Variants in KSR2 observed in about 807,000 individuals in gnomAD.
KSR2 encodes the protein kinase suppressor of ras 2.
A neutral mutation model predicts 107.8 loss-of-function variants in KSR2; 25 were observed. That is an observed-to-expected ratio of 0.23 (90% CI 0.17 to 0.32). The LOEUF (loss-of-function observed/expected upper bound fraction) is 0.32, where lower values mean the gene tolerates loss of function less well. Ranked by LOEUF, KSR2 falls within the 10% of genes least tolerant of loss-of-function variation. The probability of loss-of-function intolerance (pLI) is 1.00; values close to 1 mark genes in which losing one functional copy is unlikely to be tolerated. For missense variants in KSR2, 887 were observed against 1,268.9 expected (o/e 0.70, Z 4.57); for synonymous variants, 480 against 507.0 (o/e 0.95, Z 0.71).
intron 15 of KSR2, among the ~76,000 whole-genome samples, chr12:117,485,354 T>C (rs903052962): frequency 2.0e-5 from 3 of 152,146 alleles, no homozygotes; most frequent in Admixed American, 6.5e-5. Flanking sequence ...CCAAGTACCA[T>C]AGTGATGAGA....
At chr12:117,803,465 G>A (rs1890904459) in intron 3 of KSR2, among the ~76,000 whole-genome samples, 1 of 152,196 alleles carries the variant, frequency 6.6e-6, no homozygotes, top group Non-Finnish European at 1.5e-5. Context: ...CACTTTGGGA[G>A]GCCGAGGCGG....
At chr12:117,474,365 T>G (rs984916533) in intron 17 of KSR2, among the ~76,000 whole-genome samples, 2 of 152,100 alleles carry the variant, frequency 1.3e-5, no homozygotes. Context: ...ACTGACATCC[T>G]CTAAAGGGGC....
chr12:117,609,764 G>C (rs1194195183), intron 5 of KSR2, among the ~76,000 whole-genome samples: 1 of 152,150 alleles, frequency 6.6e-6, no homozygotes, highest in Non-Finnish European at 1.5e-5. Flanking sequence ...GTTGGAGGAT[G>C]GTGCTGGGCA....
intron 3 of KSR2, among the ~76,000 whole-genome samples, chr12:117,836,852 G>T (rs558255025): frequency 1.2e-3 from 182 of 152,356 alleles, no homozygotes; most frequent in Middle Eastern, 3.4e-3. Context: ...CCATGCAGCT[G>T]GGGGTGCCCC....
chr12:117,535,010 A>G (rs1358479358), intron 10 of KSR2, among the ~76,000 whole-genome samples: 1 of 152,182 alleles, frequency 6.6e-6, no homozygotes, highest in Non-Finnish European at 1.5e-5. Flanking sequence ...CCATAAGATA[A>G]TAAACCTGTG....
intron 14 of KSR2, among the ~76,000 whole-genome samples, chr12:117,487,974 C>T (rs141133157): frequency 3.3e-5 from 5 of 152,260 alleles, no homozygotes; most frequent in African/African-American, 9.6e-5. Context: ...GTAATAATCC[C>T]CAAGTGTCAA....
intron 5 of KSR2, among the ~76,000 whole-genome samples, chr12:117,595,253 T>G (rs560478096): frequency 6.6e-6 from 1 of 152,314 alleles, no homozygotes; most frequent in Non-Finnish European, 1.5e-5. Context: ...ATTTATTTAT[T>G]TACTTATTTA....
At chr12:117,875,684 C>G (rs1038865523) in intron 1 of KSR2, among the ~76,000 whole-genome samples, 7 of 152,154 alleles carry the variant, frequency 4.6e-5, no homozygotes, top group Non-Finnish European at 1.0e-4. Context: ...CTTGTCCCAC[C>G]GGCGAGAGCT....
rs1162672909 is a variant in KSR2, at chr12:117,755,689, G to A, written c.986+5322C>T. On this transcript the variant is annotated intron_variant, in intron 4 of 19. Coordinates refer to ENST00000339824, the MANE Select transcript of KSR2 (RefSeq NM_173598.6). ...AAGCGTTCCAGTGAAAGGAAGAATTGTACATCTATCACTTTAAATCATATG... is the reference window on the plus strand; with the variant it reads ...AAGCGTTCCAGTGAAAGGAAGAATTATACATCTATCACTTTAAATCATATG... Among the ~76,000 whole-genome samples, 3 of 152,308 alleles carry A rather than the reference G, an allele frequency of 2.0e-5. No individual in the cohort carries two copies. In the East Asian group the frequency reaches 5.8e-4, roughly 29 times the overall value.
chr12:117,754,966 T>C (rs1372315766), intron 4 of KSR2, among the ~76,000 whole-genome samples: 1 of 152,092 alleles, frequency 6.6e-6, no homozygotes, highest in Non-Finnish European at 1.5e-5. Flanking sequence ...TCAGAGGAAA[T>C]AAAAGCAGAC....
chr12:117,923,220 A>C (rs189003028), intron 1 of KSR2, among the ~76,000 whole-genome samples: 1 of 152,082 alleles, frequency 6.6e-6, no homozygotes, highest in Non-Finnish European at 1.5e-5. Flanking sequence ...TCTATCATCT[A>C]TCTATCTATC....
chr12:117,924,183 T>C (rs1158602522), intron 1 of KSR2, among the ~76,000 whole-genome samples: 1 of 151,738 alleles, frequency 6.6e-6, no homozygotes, highest in African/African-American at 2.4e-5. Context: ...CGGCCTATAT[T>C]TGCTTTTTTA....
At chr12:117,479,415 C>G (rs982825205) in intron 16 of KSR2, among the ~76,000 whole-genome samples, 6 of 152,216 alleles carry the variant, frequency 3.9e-5, no homozygotes, top group Non-Finnish European at 1.5e-5. Flanking sequence ...TTTAGGATTT[C>G]TCAACCTTGG....
At chr12:117,475,721 T>C (rs1871736367) in intron 17 of KSR2, among the ~76,000 whole-genome samples, 1 of 152,232 alleles carries the variant, frequency 6.6e-6, no homozygotes, top group Admixed American at 6.5e-5. Context: ...CCATTATGTA[T>C]AAGATAGAGC....
At chr12:117,849,495 G>A (rs987991316) in intron 3 of KSR2, among the ~76,000 whole-genome samples, 4 of 152,198 alleles carry the variant, frequency 2.6e-5, no homozygotes, top group Admixed American at 1.3e-4. Flanking sequence ...GGGATCCTTT[G>A]ATCTTGCTAA....
chr12:117,661,955 TA>T (rs1884450100), intron 5 of KSR2, among the ~76,000 whole-genome samples: 1 of 152,194 alleles, frequency 6.6e-6, no homozygotes, highest in Non-Finnish European at 1.5e-5. Context: ...CAGGTTTATA[TA>T]TTTCAATGCC....
chr12:117,965,810 T>C (rs751229887), intron 1 of KSR2, among the ~76,000 whole-genome samples: 1 of 152,226 alleles, frequency 6.6e-6, no homozygotes, highest in South Asian at 2.1e-4. Context: ...GCTAAGAATC[T>C]GCATTTTAAC....
At chr12:117,832,874 T>G (rs1409681125) in intron 3 of KSR2, among the ~76,000 whole-genome samples, 1 of 152,208 alleles carries the variant, frequency 6.6e-6, no homozygotes, top group Non-Finnish European at 1.5e-5. Flanking sequence ...TGGGTTTACG[T>G]CCCTTGAAAA....
rs372529927 is a variant in KSR2, at chr12:117,761,392, G to A, written c.605C>T (p.Pro202Leu). The change falls in exon 4 of 20, where the codon CCG (proline) becomes CTG (leucine). Residue 202 changes from proline (P) to leucine (L), a missense_variant. Physicochemically the swap from Pro to Leu is moderately conservative, Grantham distance 98. Around this residue, in one of 8 missense-constraint regions of KSR2, gnomAD observed 399 missense variants for 479.5 expected, o/e 0.83. Coordinates refer to ENST00000339824, the MANE Select transcript of KSR2 (RefSeq NM_173598.6). ...ACAATAGTGCTGGACGCACTTGGAC[G>A]GGACCCTGGGGCTCTGGGAGAGATG... Reference protein sequence around the residue: ...RTHLSQSPRVPSKCVQHYCHT... With the variant: ...RTHLSQSPRVLSKCVQHYCHT... The A allele has an allele frequency of 2.4e-5, 39 of 1,607,460 alleles. No homozygotes were observed. Among genetic ancestry groups the A allele is most frequent in the Non-Finnish European group, 3.1e-5 (37 of 1,178,248 alleles).
Sources: allele counts gnomAD v4.1 joint callset (sites outside exome capture counted in the v4.1 genomes callset), GRCh38; gene constraint gnomAD v4.1.1; regional missense constraint gnomAD v4.1.1; transcripts MANE v1.5; gene names NCBI Gene and HGNC (gene_info 2026-07-23, HGNC 2026-07-21).